TM9SF4: variants seen among roughly 807,000 people sequenced by gnomAD.
The protein encoded by TM9SF4 is transmembrane 9 superfamily member 4.
TM9SF4 carries 26 observed loss-of-function variants against 90.4 expected under a neutral mutation model. That is an observed-to-expected ratio of 0.29 (90% CI 0.21 to 0.40). The LOEUF (loss-of-function observed/expected upper bound fraction) is 0.40, where lower values mean the gene tolerates loss of function less well. TM9SF4 is among the 10% of genes least tolerant of loss of function. The pLI, the probability that TM9SF4 is intolerant of heterozygous loss-of-function variation, is 1.00. For synonymous variants in TM9SF4, 293 were observed against 315.4 expected (o/e 0.93, Z 0.75); for missense variants, 549 against 834.8 (o/e 0.66, Z 4.22).
chr20:32,117,278 C>G (rs1279533039), intron 1 of TM9SF4, among the ~76,000 whole-genome samples: 3 of 145,476 alleles, frequency 2.1e-5, no homozygotes, highest in Non-Finnish European at 4.5e-5. Context: ...AAAGAAGAAT[C>G]TAGTCTATTG....
chr20:32,113,960 T>A (rs1363336175), intron 1 of TM9SF4, among the ~76,000 whole-genome samples: 1 of 152,232 alleles, frequency 6.6e-6, no homozygotes, highest in Non-Finnish European at 1.5e-5. Context: ...TTTCAAAGTT[T>A]GTTTATGTTG....
In TM9SF4 at chr20:32,167,016, A is replaced by C. The variant is rs560708304; in HGVS notation, c.*1572A>C. 2 of 152,138 alleles carry C rather than the reference A, an allele frequency of 1.3e-5. No homozygotes were observed. The highest frequency in any genetic ancestry group is 2.1e-4 in the South Asian group (1 of 4,810). 9.4% of individuals were successfully genotyped at this position (152,138 alleles called of 1,614,324 possible). On this transcript the variant is annotated 3_prime_UTR_variant, in exon 18 of 18. Transcript: ENST00000398022. ...GCATCCACCAAGCATCAAGTTGGAG[A>C]AAAGGGAACCCAAGCAGTAGAGAGC...
rs1172267162 is a variant in TM9SF4, at chr20:32,123,231, G to A, written c.16-9782G>A. Among the ~76,000 whole-genome samples the A allele has an allele frequency of 4.1e-5, 3 of 73,372 alleles. 1 individual carries two copies. Among genetic ancestry groups the A allele is most frequent in the Non-Finnish European group, 8.1e-5 (3 of 37,070 alleles). 48.1% of individuals were successfully genotyped at this position (73,372 alleles called of 152,430 possible). A position where few individuals can be genotyped will look rare whatever the true frequency, so the allele number is the denominator to read the frequency against. On this transcript the variant is annotated intron_variant, in intron 1 of 17. Coordinates refer to ENST00000398022, the MANE Select transcript of TM9SF4 (RefSeq NM_014742.4). ...GGGGGAGGGGGGAGGGGGAGAGGGAGAGGGAGAGGCTTTTTTTTTTCTACG... is the reference window on the plus strand; with the variant it reads ...GGGGGAGGGGGGAGGGGGAGAGGGAAAGGGAGAGGCTTTTTTTTTTCTACG...
intron 16 of TM9SF4, 63 bp from the exon 17 acceptor site, chr20:32,161,213 T>A (rs1359400651): frequency 6.9e-7 from 1 of 1,450,292 alleles, no homozygotes; most frequent in Non-Finnish European, 9.7e-7. Flanking sequence ...CAAGCAACTG[T>A]GAAATTGGTA....
intron 1 of TM9SF4, among the ~76,000 whole-genome samples, 156 bp from the exon 2 acceptor site, chr20:32,132,856 TG>T (rs1890466902): frequency 1.3e-5 from 2 of 152,136 alleles, no homozygotes; most frequent in African/African-American, 4.8e-5. Flanking sequence ...TGGGAGCATT[TG>T]GGAGAGAACA....
chr20:32,163,268 A>AAATATATAT (rs1555886757), intron 17 of TM9SF4, among the ~76,000 whole-genome samples: 17 of 74,474 alleles, frequency 2.3e-4, no homozygotes, highest in African/African-American at 1.0e-3. Context: ...AAAAAAAAAA[A>AAATATATAT]ATATATATAT....
At chr20:32,142,253 A>G (rs566826274) in intron 5 of TM9SF4, among the ~76,000 whole-genome samples, 1 of 152,144 alleles carries the variant, frequency 6.6e-6, no homozygotes, top group East Asian at 1.9e-4. Context: ...AGTGACCCTG[A>G]GCCTGTGGTT....
intron 1 of TM9SF4, among the ~76,000 whole-genome samples, chr20:32,111,524 C>T (rs1289716039): frequency 6.6e-6 from 1 of 152,130 alleles, no homozygotes; most frequent in African/African-American, 2.4e-5. Flanking sequence ...GGTCAAGGTC[C>T]CTACACTTGT....
chr20:32,150,446 C>T (rs1052641957), intron 10 of TM9SF4, among the ~76,000 whole-genome samples, 176 bp from the exon 11 acceptor site: 1 of 152,234 alleles, frequency 6.6e-6, no homozygotes, highest in Non-Finnish European at 1.5e-5. Flanking sequence ...ACCCAGTCTT[C>T]CCCTGTAGAG....
chr20:32,133,007 G>A lies in TM9SF4; in HGVS notation c.16-6G>A. ...CCAATCCAACCCTGGCCTCTCTTCTGAGCAGGATTGGTTGCCGTGGTCTTT... is the reference window on the plus strand; with the variant it reads ...CCAATCCAACCCTGGCCTCTCTTCTAAGCAGGATTGGTTGCCGTGGTCTTT... On this transcript the variant is annotated splice_polypyrimidine_tract_variant and splice_region_variant and intron_variant, in intron 1 of 17. Coordinates refer to ENST00000398022, the MANE Select transcript of TM9SF4 (RefSeq NM_014742.4). 1.2e-6 allele frequency: 2 copies of A among 1,613,786 alleles called. No homozygotes were observed. Among genetic ancestry groups the A allele is most frequent in the South Asian group, 1.1e-5 (1 of 91,060 alleles).
At chr20:32,129,080 C>G (rs895149650) in intron 1 of TM9SF4, among the ~76,000 whole-genome samples, 1 of 151,468 alleles carries the variant, frequency 6.6e-6, no homozygotes, top group African/African-American at 2.4e-5. Context: ...AAAAGCTCAT[C>G]ACTAAGACAT....
At chr20:32,138,517 C>G (rs1295536954) in intron 3 of TM9SF4, among the ~76,000 whole-genome samples, 1 of 152,168 alleles carries the variant, frequency 6.6e-6, no homozygotes, top group Non-Finnish European at 1.5e-5. Flanking sequence ...ATTAGCCAGG[C>G]ATGGTGGTGC....
chr20:32,133,048 G>A lies in TM9SF4; in HGVS notation c.51G>A (p.Leu17=). The change falls in exon 2 of 18, where the codon CTG becomes CTA. Residue 17 remains leucine, a synonymous_variant. Transcript: ENST00000398022. The part of the protein sequence containing the change: ...WLPWSLLLFS[L]MCETSAFYVP... ...CGTGGTCTTTACTGCTTTTCTCCCT[G>A]ATGTGTGAAACAAGCGCCTTCTATG... 6.2e-7 allele frequency: 1 copy of A among 1,614,134 alleles called. No individual in the cohort carries two copies. Among genetic ancestry groups the A allele is most frequent in the Non-Finnish European group, 8.5e-7 (1 of 1,180,012 alleles).
chr20:32,142,954 T>C, intron 5 of TM9SF4, 28 bp from the exon 6 acceptor site: 2 of 1,610,760 alleles, frequency 1.2e-6, no homozygotes, highest in Non-Finnish European at 1.7e-6. Context: ...TGATGTTCTG[T>C]TGTGCTTTCT....
At chr20:32,142,938 C>G in intron 5 of TM9SF4, 44 bp from the exon 6 acceptor site, 4 of 1,606,680 alleles carry the variant, frequency 2.5e-6, no homozygotes, top group Non-Finnish European at 2.6e-6. Context: ...GGAGAGTATC[C>G]CTAAGTGATG....
chr20:32,114,271 A>G (rs986514949), intron 1 of TM9SF4, among the ~76,000 whole-genome samples: 2 of 152,188 alleles, frequency 1.3e-5, no homozygotes, highest in South Asian at 2.1e-4. Context: ...CTTTGTGCTA[A>G]TGGAGCCAAT....
Position 32,141,651 on chromosome 20 carries a change from C to G in TM9SF4, c.384C>G (p.Asp128Glu). The G allele has an allele frequency of 6.2e-7, 1 of 1,614,108 alleles. No homozygotes were observed. Among genetic ancestry groups the G allele is most frequent in the Non-Finnish European group, 8.5e-7 (1 of 1,179,994 alleles). The stretch of plus-strand genomic sequence containing the variant: ...TCGTGGCCGAGCGGATCACAGAAGA[C>G]TACTACGTCCACCTGTAAGTCGCCC... ...SRLVAERITE[D>E]YYVHLIADNL... The change falls in exon 4 of 18, where the codon GAC becomes GAG. Residue 128 changes from aspartate to glutamate, a missense_variant. By Grantham distance (45) the Asp-to-Glu change is conservative (BLOSUM62 2). Coordinates refer to ENST00000398022, the MANE Select transcript of TM9SF4 (RefSeq NM_014742.4).
intron 1 of TM9SF4, among the ~76,000 whole-genome samples, chr20:32,121,189 C>T (rs935116252): frequency 6.8e-6 from 1 of 146,912 alleles, no homozygotes; most frequent in African/African-American, 2.5e-5. Flanking sequence ...CCCGCTGTGC[C>T]TCTTTTTTTT....
At chr20:32,154,017 T>A (rs768530519) in intron 12 of TM9SF4, among the ~76,000 whole-genome samples, 1 of 152,192 alleles carries the variant, frequency 6.6e-6, no homozygotes, top group African/African-American at 2.4e-5. Context: ...CCTTCCAGAC[T>A]TGCGTGAGGA....
Sources: allele counts gnomAD v4.1 joint callset (sites outside exome capture counted in the v4.1 genomes callset), GRCh38; gene constraint gnomAD v4.1.1; transcripts MANE v1.5; gene names NCBI Gene and HGNC (gene_info 2026-07-23, HGNC 2026-07-21).